Variants in SND1 observed in about 807,000 individuals in gnomAD.
The protein encoded by SND1 is staphylococcal nuclease and tudor domain containing 1, also known as staphylococcal nuclease domain-containing protein 1.
A neutral mutation model predicts 121.7 loss-of-function variants in SND1; 38 were observed. That is an observed-to-expected ratio of 0.31 (90% CI 0.24 to 0.41). The LOEUF (loss-of-function observed/expected upper bound fraction) is 0.41, where lower values mean the gene tolerates loss of function less well. SND1 is among the 10% of genes least tolerant of loss of function. The pLI, the probability that SND1 is intolerant of heterozygous loss-of-function variation, is 1.00. For synonymous variants in SND1, 401 were observed against 447.4 expected (o/e 0.90, Z 1.31); for missense variants, 868 against 1,184.6 (o/e 0.73, Z 3.92).
At chr7:127,764,939 A>G (rs1463956709) in intron 10 of SND1, among the ~76,000 whole-genome samples, 2 of 152,156 alleles carry the variant, frequency 1.3e-5, no homozygotes, top group East Asian at 1.9e-4. Context: ...GGGCGGAACT[A>G]TTGCAGATGG....
intron 10 of SND1, among the ~76,000 whole-genome samples, chr7:127,787,301 C>A (rs1044991095): frequency 6.6e-6 from 1 of 152,174 alleles, no homozygotes; most frequent in Non-Finnish European, 1.5e-5. Flanking sequence ...GTGGCTGTAT[C>A]CTAGCTCACT....
intron 8 of SND1, among the ~76,000 whole-genome samples, chr7:127,705,270 T>C (rs1436001083): frequency 6.6e-6 from 1 of 152,206 alleles, no homozygotes; most frequent in African/African-American, 2.4e-5. Flanking sequence ...AACTTGAAGC[T>C]TATTTGAGAA....
chr7:128,067,657 C>T (rs1793338761), intron 16 of SND1, among the ~76,000 whole-genome samples: 1 of 152,214 alleles, frequency 6.6e-6, no homozygotes, highest in Admixed American at 6.5e-5. Flanking sequence ...TACAGCCTCG[C>T]AACCCAGGGC....
intron 10 of SND1, among the ~76,000 whole-genome samples, chr7:127,759,272 G>A (rs1018010964): frequency 6.6e-6 from 1 of 152,070 alleles, no homozygotes; most frequent in Non-Finnish European, 1.5e-5. Context: ...AACATTTCAT[G>A]GTGAGGTGCC....
At chr7:127,703,366 G>T (rs745508899) in intron 7 of SND1, 43 bp downstream of exon 7, 1 of 1,600,506 alleles carries the variant, frequency 6.2e-7, no homozygotes, top group African/African-American at 1.3e-5. Flanking sequence ...GGCTAGGGAT[G>T]CATTTGGGGT....
At chr7:127,828,055 G>A (rs766074414) in intron 11 of SND1, among the ~76,000 whole-genome samples, 8 of 152,002 alleles carry the variant, frequency 5.3e-5, no homozygotes, top group Non-Finnish European at 7.4e-5. Flanking sequence ...GGAGTGCAAC[G>A]GCATGTTCTC....
At chr7:127,799,181 G>A (rs1484412261) in intron 10 of SND1, among the ~76,000 whole-genome samples, 4 of 152,182 alleles carry the variant, frequency 2.6e-5, no homozygotes, top group Non-Finnish European at 4.4e-5. Flanking sequence ...GACAACCACC[G>A]ACAGGTGGTG....
chr7:127,949,863 C>G (rs996224962), intron 15 of SND1, among the ~76,000 whole-genome samples: 1 of 152,156 alleles, frequency 6.6e-6, no homozygotes, highest in African/African-American at 2.4e-5. Flanking sequence ...TTTTGCCTTT[C>G]CCTTGTCATT....
intron 15 of SND1, among the ~76,000 whole-genome samples, chr7:127,958,438 T>A (rs564886841): frequency 2.2e-4 from 33 of 152,284 alleles, no homozygotes; most frequent in African/African-American, 7.5e-4. Flanking sequence ...GGGCCTGGAC[T>A]GCATAGCCAT....
At chr7:127,711,752 ATTTTCTGTCTCATCTTCT>A (rs1272412923) in intron 9 of SND1, among the ~76,000 whole-genome samples, 2 of 148,160 alleles carry the variant, frequency 1.3e-5, no homozygotes, top group African/African-American at 5.0e-5. Flanking sequence ...TTTTTCTCCT[ATTTTCTGTCTCATCTTCT>A]ATTCTTTTTA....
chr7:127,968,079 G>A (rs1175072434), intron 15 of SND1, among the ~76,000 whole-genome samples: 1 of 152,214 alleles, frequency 6.6e-6, no homozygotes, highest in Non-Finnish European at 1.5e-5. Flanking sequence ...AATTAGGGAT[G>A]GACCTGGCAC....
At chr7:127,860,647 A>G (rs1339495527) in intron 12 of SND1, among the ~76,000 whole-genome samples, 1 of 152,222 alleles carries the variant, frequency 6.6e-6, no homozygotes, top group Non-Finnish European at 1.5e-5. Flanking sequence ...CATCGATTTT[A>G]TCTGGCTAGC....
chr7:127,678,551 G>C (rs1294194809), intron 1 of SND1, among the ~76,000 whole-genome samples: 1 of 133,024 alleles, frequency 7.5e-6, no homozygotes, highest in African/African-American at 2.5e-5. Context: ...TCTTGTTCTT[G>C]CCAGGAAAAA....
At position 128,092,127 on chromosome 7, in the gene SND1, T is replaced by C; in HGVS notation, c.*69T>C. 1 of 1,509,218 alleles carries C rather than the reference T, an allele frequency of 6.6e-7. No homozygotes were observed. Among genetic ancestry groups the C allele is most frequent in the Non-Finnish European group, 9.2e-7 (1 of 1,086,430 alleles). 93.5% of individuals were successfully genotyped at this position (1,509,218 alleles called of 1,614,324 possible). A position where few individuals can be genotyped will look rare whatever the true frequency, so the allele number is the denominator to read the frequency against. On this transcript the variant is annotated 3_prime_UTR_variant, in exon 24 of 24. Transcript: ENST00000354725. This position sits in a 1 kb window ranked among gnomAD's most constrained non-coding sequence, Gnocchi z 4.9. ...CTCTTCCTCTGCCGGGAGGGTGTTT[T>C]CAACTCCAAACCCCAGAGAGGGGTT...
chr7:128,033,179 G>A (rs773638685), intron 16 of SND1, among the ~76,000 whole-genome samples: 1 of 152,168 alleles, frequency 6.6e-6, no homozygotes, highest in African/African-American at 2.4e-5. Context: ...GATTGGGAGT[G>A]GGGGTGGAAT....
At chr7:127,832,972 C>T (rs1053295468) in intron 11 of SND1, among the ~76,000 whole-genome samples, 1 of 152,156 alleles carries the variant, frequency 6.6e-6, no homozygotes, top group Non-Finnish European at 1.5e-5. Flanking sequence ...AGTTTCATCC[C>T]GAAATCATCC....
intron 16 of SND1, among the ~76,000 whole-genome samples, chr7:128,040,580 C>T (rs934760401): frequency 5.3e-5 from 8 of 150,486 alleles, no homozygotes; most frequent in African/African-American, 2.0e-4. Flanking sequence ...ATTTTAGCAT[C>T]TGTAAAGTGG....
chr7:127,807,093 A>C (rs1310737740), intron 10 of SND1, among the ~76,000 whole-genome samples: 1 of 152,244 alleles, frequency 6.6e-6, no homozygotes, highest in African/African-American at 2.4e-5. Flanking sequence ...TATGGAACTA[A>C]CAGTTGGTAG....
intron 9 of SND1, among the ~76,000 whole-genome samples, chr7:127,715,562 CTT>C (rs1796372034): frequency 6.6e-6 from 1 of 152,066 alleles, no homozygotes; most frequent in Non-Finnish European, 1.5e-5. Context: ...TTGTAAGCCT[CTT>C]TGCCTGTTTT....
Sources: gnomAD v4.1 joint callset for allele counts (sites outside exome capture counted in the v4.1 genomes callset) on GRCh38, gnomAD v4.1.1 for gene constraint, Gnocchi (gnomAD v3.1) non-coding constraint, MANE v1.5 for transcripts, NCBI Gene and HGNC (gene_info 2026-07-23, HGNC 2026-07-21) for gene names.